Variants in CAST observed in about 807,000 individuals in gnomAD.
CAST encodes the protein MIR583 host.
A neutral mutation model predicts 119.6 loss-of-function variants in CAST; 76 were observed. The observed-to-expected ratio is 0.64, with a 90% CI of 0.53 to 0.77. The LOEUF is 0.77. CAST is among the 30% of genes least tolerant of loss of function. The pLI, the probability that CAST is intolerant of heterozygous loss-of-function variation, is 0.00. For synonymous variants in CAST, 319 were observed against 331.6 expected, an observed-to-expected ratio of 0.96 and a Z score of 0.41; for missense variants, 953 against 946.5, an observed-to-expected ratio of 1.01 and a Z score of -0.09.
At chr5:96,053,331 C>G in the CAST span, among the ~76,000 whole-genome samples, 1 of 152,198 alleles carries the variant, frequency 6.6e-6, no homozygotes, top group Non-Finnish European at 1.5e-5. Context: ...TGGTTTAATT[C>G]AATGACCTCT....
intron 20 of CAST, among the ~76,000 whole-genome samples, chr5:96,753,524 A>G (rs980827584): frequency 2.6e-5 from 4 of 152,182 alleles, no homozygotes; most frequent in African/African-American, 9.7e-5. Flanking sequence ...TCACTGTGCC[A>G]TTCAGGTTAG....
intron 17 of CAST, among the ~76,000 whole-genome samples, chr5:96,746,896 T>A (rs1763869080): frequency 6.6e-6 from 1 of 152,224 alleles, no homozygotes; most frequent in South Asian, 2.1e-4. Flanking sequence ...TCATTTACTT[T>A]TGAAATCATG....
chr5:96,615,221 C>T (rs1366379077), intron 1 of CAST, among the ~76,000 whole-genome samples: 3 of 152,196 alleles, frequency 2.0e-5, no homozygotes, highest in Admixed American at 6.5e-5. Flanking sequence ...GTAAGCTAGG[C>T]TAAACTATGA....
the CAST span, among the ~76,000 whole-genome samples, chr5:96,200,084 G>A: frequency 2.0e-5 from 3 of 152,080 alleles, no homozygotes; most frequent in East Asian, 1.9e-4. Context: ...GGGCATCGGC[G>A]CTGAACACCA....
chr5:96,732,347 G>T (rs905655322), intron 9 of CAST, among the ~76,000 whole-genome samples: 1 of 120,890 alleles, frequency 8.3e-6, no homozygotes, highest in Non-Finnish European at 1.7e-5. Flanking sequence ...TTTTGATGGG[G>T]TTGTTTGTTT....
the CAST span, among the ~76,000 whole-genome samples, chr5:96,202,025 G>A: frequency 5.5e-4 from 83 of 152,218 alleles, 1 homozygote; most frequent in African/African-American, 2.0e-3. Flanking sequence ...AAATTGTTCT[G>A]AGCAAAGGGA....
chr5:96,361,040 G>A, the CAST span, among the ~76,000 whole-genome samples: 1 of 152,208 alleles, frequency 6.6e-6, no homozygotes, highest in African/African-American at 2.4e-5. Context: ...CCAGAGAGGA[G>A]GAATCTAGAG....
At chr5:96,220,653 A>G in the CAST span, among the ~76,000 whole-genome samples, 3 of 152,210 alleles carry the variant, frequency 2.0e-5, no homozygotes, top group Non-Finnish European at 4.4e-5. Flanking sequence ...ATAAGACATC[A>G]CTCAGTTGGA....
At chr5:96,762,559 A>G (rs1018810543) in intron 25 of CAST, 187 bp downstream of exon 25, 1 of 497,978 alleles carries the variant, frequency 2.0e-6, no homozygotes, top group African/African-American at 2.0e-5. Flanking sequence ...AAATGATTAA[A>G]TGAAACTATA....
the CAST span, among the ~76,000 whole-genome samples, chr5:96,406,970 T>C: frequency 6.6e-6 from 1 of 152,194 alleles, no homozygotes; most frequent in South Asian, 2.1e-4. Context: ...GTGTTAAGTA[T>C]TGGACTATTG....
chr5:96,592,979 A>T (rs966006111), intron 1 of CAST, among the ~76,000 whole-genome samples: 2 of 152,116 alleles, frequency 1.3e-5, no homozygotes, highest in African/African-American at 4.8e-5. Flanking sequence ...GTTAGCCAGG[A>T]TGGTCTCGAT....
At chr5:96,250,348 T>C in the CAST span, among the ~76,000 whole-genome samples, 1 of 152,162 alleles carries the variant, frequency 6.6e-6, no homozygotes, top group Admixed American at 6.5e-5. Flanking sequence ...CAGGACCTTC[T>C]AGGTTTCTTC....
the CAST span, among the ~76,000 whole-genome samples, chr5:96,189,519 A>T: frequency 6.6e-6 from 1 of 152,132 alleles, no homozygotes; most frequent in African/African-American, 2.4e-5. Flanking sequence ...TTGATAGCTT[A>T]TGTCTTCCTT....
rs1343409444 is a variant in CAST, at chr5:96,773,275, G to A, written c.*659G>A. ...TGAACTCTTCTTTGCCAGGTGTGAG[G>A]ACTTCTGCATCTTACAGTCAGCACA... On this transcript the variant is annotated 3_prime_UTR_variant, in exon 32 of 32. Transcript: ENST00000675179. 1.3e-5 allele frequency: 2 copies of A among 153,380 alleles called. No homozygotes were observed. Among genetic ancestry groups the A allele is most frequent in the African/African-American group, 4.8e-5 (2 of 41,382 alleles). 9.5% of individuals were successfully genotyped at this position (153,380 alleles called of 1,614,324 possible).
chr5:96,392,843 T>C, the CAST span: 1,014 of 731,022 alleles, frequency 1.4e-3, 9 homozygotes, highest in African/African-American at 0.016. Flanking sequence ...CTTGAGCTCA[T>C]CCCCTTCACA....
At chr5:96,410,829 C>A in the CAST span, 1 of 1,614,108 alleles carries the variant, frequency 6.2e-7, no homozygotes, top group East Asian at 2.2e-5. Context: ...TGTGGAGGAG[C>A]ACTTCTCAGC....
chr5:96,587,598 A>G (rs1047234001), intron 1 of CAST, among the ~76,000 whole-genome samples: 8 of 152,232 alleles, frequency 5.3e-5, no homozygotes, highest in African/African-American at 1.9e-4. Flanking sequence ...AAAGACCAGT[A>G]GGAAATGGGT....
the CAST span, among the ~76,000 whole-genome samples, chr5:95,989,496 C>G: frequency 2.6e-5 from 4 of 152,122 alleles, no homozygotes; most frequent in Non-Finnish European, 4.4e-5. Context: ...AATAACATAG[C>G]AGATTGGTGC....
chr5:96,125,691 A>G, the CAST span, among the ~76,000 whole-genome samples: 25 of 152,194 alleles, frequency 1.6e-4, no homozygotes, highest in Admixed American at 9.8e-4. Context: ...TCAGCGCTCA[A>G]TAACAGTCAG....
Sources: allele counts gnomAD v4.1 joint callset (sites outside exome capture counted in the v4.1 genomes callset), GRCh38; gene constraint gnomAD v4.1.1; transcripts MANE v1.5; gene names NCBI Gene and HGNC (gene_info 2026-07-23, HGNC 2026-07-21).